Variants in CC2D2A observed in about 807,000 individuals in gnomAD.
CC2D2A encodes the protein coiled-coil and C2 domain-containing protein 2A.
CC2D2A carries 155 observed loss-of-function variants against 212.9 expected under a neutral mutation model. The observed-to-expected ratio is 0.73, with a 90% CI of 0.64 to 0.83. The LOEUF is 0.83. Among genes scored for constraint, CC2D2A ranks in the 40% least tolerant of loss-of-function variants. The pLI is 0.00. For synonymous variants in CC2D2A, 667 were observed against 686.5 expected (o/e 0.97, Z 0.44); for missense variants, 1,856 against 1,956.2 (o/e 0.95, Z 0.97).
At chr4:15,476,642 G>A (rs996906717) in intron 2 of CC2D2A, among the ~76,000 whole-genome samples, 6 of 152,188 alleles carry the variant, frequency 3.9e-5, no homozygotes, top group African/African-American at 1.2e-4. Context: ...GCAGCTCAAA[G>A]TTACTACCTA....
At chr4:15,571,584 C>T (rs776214322) in intron 28 of CC2D2A, among the ~76,000 whole-genome samples, 65 of 141,574 alleles carry the variant, frequency 4.6e-4, no homozygotes, top group Non-Finnish European at 5.3e-4. Context: ...GCCTGGGCAA[C>T]AGAGCGAGAC....
rs1717581475 is a variant in CC2D2A at position 15,527,596 on chromosome 4, G to A, written c.1299G>A (p.Gln433=). Residue 433 remains glutamine (Q), a synonymous_variant, in exon 12 of 37, where the codon CAG becomes CAA. Coordinates refer to ENST00000424120, the MANE Select transcript of CC2D2A (RefSeq NM_001378615.1). ...ATGTTTTGGCAGCCAAGCTGGCCCA[G>A]TTATATGACCAGTACCTTGCAAGAC... ...REHVLAAKLA[Q]LYDQYLARHQ... is the part of the protein sequence containing the mutation. The A allele has an allele frequency of 1.2e-6, 2 of 1,613,114 alleles. No individual in the cohort carries two copies. The highest frequency in any genetic ancestry group is 2.7e-5 in the African/African-American group (2 of 74,918).
In CC2D2A at chr4:15,553,381, G is replaced by T. The variant is rs1392416393; in HGVS notation, c.2486+76G>T. The T allele has an allele frequency of 4.1e-6, 6 of 1,480,560 alleles. No homozygotes were observed. The East Asian group carries it at 9.5e-5, about 23-fold the overall frequency. The allele number at this position is 1,480,560 out of a possible 1,614,324, so 91.7% of individuals were successfully genotyped here. Reference sequence around the variant, plus strand: ...AGATACCCAAGGGGAAAGAAAGCTTGCAGTATCATATTCTTTCCTTTTATT... The same window carrying T: ...AGATACCCAAGGGGAAAGAAAGCTTTCAGTATCATATTCTTTCCTTTTATT... On this transcript the variant is annotated intron_variant, in intron 19 of 36. Coordinates refer to ENST00000424120, the MANE Select transcript of CC2D2A (RefSeq NM_001378615.1).
intron 12 of CC2D2A, 115 bp downstream of exon 12, chr4:15,527,771 G>C: frequency 1.3e-6 from 1 of 752,734 alleles, no homozygotes; most frequent in Non-Finnish European, 2.2e-6. Flanking sequence ...ATGTTTCCTC[G>C]GTTTAGGATG....
chr4:15,515,135 G>C (rs1230152374), intron 9 of CC2D2A, among the ~76,000 whole-genome samples: 1 of 152,224 alleles, frequency 6.6e-6, no homozygotes, highest in Non-Finnish European at 1.5e-5. Context: ...GGGGCTTAGA[G>C]TTTATGAGAA....
intron 8 of CC2D2A, among the ~76,000 whole-genome samples, chr4:15,513,109 A>G (rs1429774827): frequency 6.6e-6 from 1 of 152,148 alleles, no homozygotes; most frequent in African/African-American, 2.4e-5. Flanking sequence ...CCTCCCGGAA[A>G]TGTACTTTTT....
intron 33 of CC2D2A, 62 bp from the exon 34 acceptor site, chr4:15,596,023 C>G (rs1347855839): frequency 7.8e-7 from 1 of 1,281,296 alleles, no homozygotes; most frequent in Non-Finnish European, 1.1e-6. Flanking sequence ...TACATCCATG[C>G]ACACATACAT....
rs7663558 is a variant in CC2D2A, at chr4:15,584,917, A to G, written c.3976-1240A>G. Among the ~76,000 whole-genome samples the G allele has an allele frequency of 3.0e-3, 455 of 152,374 alleles. 2 individuals carry two copies. The highest frequency in any genetic ancestry group is 0.01 in the African/African-American group (429 of 41,588). On this transcript the variant is annotated intron_variant, in intron 30 of 36. Coordinates refer to ENST00000424120, the MANE Select transcript of CC2D2A (RefSeq NM_001378615.1). ...AAAATGTTCAACATCACTAATCATC[A>G]GAGAAATGCAAATCAAAACCATGAG...
intron 5 of CC2D2A, 114 bp downstream of exon 5, chr4:15,502,631 T>C (rs1716026142): frequency 7.4e-6 from 8 of 1,077,638 alleles, no homozygotes; most frequent in Non-Finnish European, 1.1e-5. Context: ...TCAATTTGTC[T>C]TTCAAGTTTT....
Position 15,502,934 on chromosome 4 carries a change from C to T in CC2D2A, c.438+11C>T. ...GAATTTGGCACAGAGGTGAGAAATA[C>T]CCTCTCTACTTTGTGATCAAAACCA... On this transcript the variant is annotated intron_variant, in intron 6 of 36. Transcript: ENST00000424120. 1.3e-6 allele frequency: 2 copies of T among 1,571,018 alleles called. No individual in the cohort carries two copies. Among genetic ancestry groups the T allele is most frequent in the Non-Finnish European group, 1.7e-6 (2 of 1,155,528 alleles).
chr4:15,566,817 T>A lies in CC2D2A; in HGVS notation c.3183-560T>A, dbSNP rs552639557. Among the ~76,000 whole-genome samples, 21 of 151,868 alleles carry A rather than the reference T, an allele frequency of 1.4e-4. No homozygotes were observed. In the South Asian group the frequency reaches 1.5e-3, roughly 11 times the overall value. The stretch of plus-strand genomic sequence containing the variant: ...TGAGACCTCTGGTCCCTACAAAAAA[T>A]TTTAAAAATTAGCTGGGCATGGTGG... On this transcript the variant is annotated intron_variant, in intron 24 of 36. Coordinates refer to ENST00000424120, the MANE Select transcript of CC2D2A (RefSeq NM_001378615.1).
chr4:15,480,851 C>G (rs758412949), intron 4 of CC2D2A, 24 bp downstream of exon 4: 1 of 1,606,266 alleles, frequency 6.2e-7, no homozygotes, highest in South Asian at 1.1e-5. Context: ...TTCCATTCAG[C>G]TACTGCTTGT....
intron 8 of CC2D2A, among the ~76,000 whole-genome samples, chr4:15,512,524 T>C (rs2109008955): frequency 6.6e-6 from 1 of 152,190 alleles, no homozygotes; most frequent in East Asian, 1.9e-4. Flanking sequence ...AGACAGAAAG[T>C]AGAATGGTGG....
rs763882744 is a variant in CC2D2A, at chr4:15,557,502, T to A, written c.2824T>A (p.Phe942Ile). 12 of 1,598,740 alleles carry A rather than the reference T, an allele frequency of 7.5e-6. No individual in the cohort carries two copies. The highest frequency in any genetic ancestry group is 4.0e-5 in the African/African-American group (3 of 74,600). The change falls in exon 21 of 37, where the codon TTC becomes ATC. Residue 942 changes from phenylalanine to isoleucine, a missense_variant. Coordinates refer to ENST00000424120, the MANE Select transcript of CC2D2A (RefSeq NM_001378615.1). ...VYDREIMEKVFQDYEKRLRDR... is the reference protein window; with the variant it reads ...VYDREIMEKVIQDYEKRLRDR... ...TGACCGAGAAATTATGGAAAAGGTA[T>A]TCCAGGTAAGAAACTGCCATAGAGG...
chr4:15,528,796 C>A, intron 13 of CC2D2A, 70 bp downstream of exon 13: 1 of 1,107,092 alleles, frequency 9.0e-7, no homozygotes, highest in Non-Finnish European at 1.3e-6. Flanking sequence ...GTTTATTTTT[C>A]CAGATACTTT....
chr4:15,524,743 A>T (rs556611273), intron 11 of CC2D2A, among the ~76,000 whole-genome samples: 1 of 151,886 alleles, frequency 6.6e-6, no homozygotes, highest in Non-Finnish European at 1.5e-5. Context: ...GAGCCACCGC[A>T]CCCGGCTTTA....
At chr4:15,574,629 T>C (rs1226674922) in intron 29 of CC2D2A, among the ~76,000 whole-genome samples, 1 of 152,232 alleles carries the variant, frequency 6.6e-6, no homozygotes, top group Non-Finnish European at 1.5e-5. Context: ...TAGAAGAATG[T>C]TCTCAATGTG....
chr4:15,585,085 G>A (rs1317942624), intron 30 of CC2D2A, among the ~76,000 whole-genome samples: 1 of 152,168 alleles, frequency 6.6e-6, no homozygotes, highest in East Asian at 1.9e-4. Context: ...AAACAGTATA[G>A]AGGGTCCTCA....
In CC2D2A at chr4:15,548,335, C is replaced by T. The variant is rs1025007172; in HGVS notation, c.2182-2489C>T. 9.9e-5 allele frequency among the ~76,000 whole-genome samples: 15 copies of T among 152,132 alleles called. 1 individual carries two copies. Among genetic ancestry groups the T allele is most frequent in the Non-Finnish European group, 1.9e-4 (13 of 67,990 alleles). The stretch of plus-strand genomic sequence containing the variant: ...GTGGCTCCAGAAACTAGGAATAAGC[C>T]GCCTTCCACTGACGTCCTCAGAAAC... On this transcript the variant is annotated intron_variant, in intron 17 of 36. Coordinates refer to ENST00000424120, the MANE Select transcript of CC2D2A (RefSeq NM_001378615.1).
Sources: gnomAD v4.1 joint callset for allele counts (sites outside exome capture counted in the v4.1 genomes callset) on GRCh38, gnomAD v4.1.1 for gene constraint, MANE v1.5 for transcripts, NCBI Gene and HGNC (gene_info 2026-07-23, HGNC 2026-07-21) for gene names.